The following OSBPL3 variants were observed in gnomAD, a reference collection of about 807,000 sequenced individuals.
The protein encoded by OSBPL3 is oxysterol binding protein like 3, also known as oxysterol-binding protein-related protein 3.
OSBPL3 carries 65 observed loss-of-function variants against 120.1 expected under a neutral mutation model. That is an observed-to-expected ratio of 0.54 (90% confidence interval 0.44 to 0.67). The LOEUF is 0.67. OSBPL3 is among the 30% of genes least tolerant of loss of function. OSBPL3 has a pLI of 0.00. For missense variants in OSBPL3, 1,004 were observed against 1,082.1 expected (o/e 0.93, Z 1.01); for synonymous variants, 416 against 402.6 (o/e 1.03, Z -0.40).
intron 1 of OSBPL3, among the ~76,000 whole-genome samples, chr7:24,950,231 T>A (rs1416957655): frequency 1.3e-5 from 2 of 152,178 alleles, no homozygotes; most frequent in African/African-American, 4.8e-5. Flanking sequence ...CACGTTGACA[T>A]GTGCATACAA....
chr7:24,801,886 G>A (rs892054103), intron 22 of OSBPL3, among the ~76,000 whole-genome samples: 1 of 152,154 alleles, frequency 6.6e-6, no homozygotes, highest in African/African-American at 2.4e-5. Flanking sequence ...TGTATGGATG[G>A]ACCACAATTT....
chr7:24,892,628 A>G lies in OSBPL3; in HGVS notation c.-149-7T>C, dbSNP rs894552311. 2 of 1,352,168 alleles carry G rather than the reference A, an allele frequency of 1.5e-6. No homozygotes were observed. Among genetic ancestry groups the G allele is most frequent in the African/African-American group, 2.9e-5 (2 of 68,824 alleles). 83.8% of individuals were successfully genotyped at this position (1,352,168 alleles called of 1,614,324 possible). ...CCAAAGGAAACCCTAAAACCTAAAA[A>G]AGAGAAATTAGAAAGAAGGTCAGAG... On this transcript the variant is annotated splice_region_variant and splice_polypyrimidine_tract_variant and intron_variant, in intron 1 of 22. Coordinates refer to ENST00000313367, the MANE Select transcript of OSBPL3 (RefSeq NM_015550.4).
chr7:24,828,971 T>C lies in OSBPL3; in HGVS notation c.1884+1797A>G, dbSNP rs544272852. 5.9e-4 allele frequency among the ~76,000 whole-genome samples: 90 copies of C among 152,322 alleles called. 1 individual carries two copies. Among genetic ancestry groups the C allele is most frequent in the African/African-American group, 1.8e-3 (73 of 41,576 alleles). On this transcript the variant is annotated intron_variant, in intron 16 of 22. Transcript: ENST00000313367. ...AGTTATGTAACCCTCTTTCTGTCTTTGTGCACATGTGCCCAGGAGCTCTGA... is the reference window on the plus strand; with the variant it reads ...AGTTATGTAACCCTCTTTCTGTCTTCGTGCACATGTGCCCAGGAGCTCTGA...
rs1432497911 is a variant in OSBPL3 at position 24,872,782 on chromosome 7, G to T, written c.97-713C>A. On this transcript the variant is annotated intron_variant, in intron 2 of 22. Transcript: ENST00000313367. This position sits in a 1 kb window ranked among gnomAD's most constrained non-coding sequence, Gnocchi z 4.1. Reference sequence around the variant, plus strand: ...TAATCTTCCACTATTGGCTATTTAGGTTATTTCAACTAATTGAAAAAGAAT... The same window carrying T: ...TAATCTTCCACTATTGGCTATTTAGTTTATTTCAACTAATTGAAAAAGAAT... 1.3e-5 allele frequency among the ~76,000 whole-genome samples: 2 copies of T among 151,902 alleles called. No homozygotes were observed. The highest frequency in any genetic ancestry group is 1.3e-4 in the Admixed American group (2 of 15,224).
rs747999815 is a variant in OSBPL3, at chr7:24,806,978, T to C, written c.2318-76A>G. On this transcript the variant is annotated intron_variant, in intron 20 of 22. Transcript: ENST00000313367. This position sits in a 1 kb window ranked among gnomAD's most constrained non-coding sequence, Gnocchi z 5.2. The stretch of plus-strand genomic sequence containing the variant: ...CATTTTAATTCCTTCACCTTTTTCG[T>C]CTCAGCCTAGCTACAATTTTTCTCT... 2 of 1,367,328 alleles carry C rather than the reference T, an allele frequency of 1.5e-6. No individual in the cohort carries two copies. Among genetic ancestry groups the C allele is most frequent in the Non-Finnish European group, 2.0e-6 (2 of 1,005,544 alleles). 84.7% of individuals were successfully genotyped at this position (1,367,328 alleles called of 1,614,324 possible).
rs1225049781 is a variant in OSBPL3 at position 24,881,747 on chromosome 7, G to A, written c.97-9678C>T. Among the ~76,000 whole-genome samples the A allele has an allele frequency of 2.0e-5, 3 of 152,154 alleles. No homozygotes were observed. The highest frequency in any genetic ancestry group is 4.8e-5 in the African/African-American group (2 of 41,424). On this transcript the variant is annotated intron_variant, in intron 2 of 22. Coordinates refer to ENST00000313367, the MANE Select transcript of OSBPL3 (RefSeq NM_015550.4). This position sits in a 1 kb window ranked among gnomAD's most constrained non-coding sequence, Gnocchi z 4.3. ...ATAAACAGATATTTATTCTCTAGCC[G>A]TTCTGGAGGCCAGAGGTCCAAAATC...
In OSBPL3 at chr7:24,966,132, A is replaced by G. The variant is rs1172696431; in HGVS notation, c.-150+13754T>C. Among the ~76,000 whole-genome samples, 1 of 152,268 alleles carries G rather than the reference A, an allele frequency of 6.6e-6. No individual in the cohort carries two copies. The highest frequency in any genetic ancestry group is 1.5e-5 in the Non-Finnish European group (1 of 68,054). ...AAACCTCAGCCTGAGTTAACTAGCT[A>G]CAGCAAGACCCACAGATCTCGCTTC... On this transcript the variant is annotated intron_variant, in intron 1 of 22. Transcript: ENST00000313367. The surrounding 1 kb of genome is among the most constrained non-coding windows in gnomAD (Gnocchi z 4.8).
At chr7:24,890,767 G>A (rs909683126) in intron 2 of OSBPL3, among the ~76,000 whole-genome samples, 1 of 152,178 alleles carries the variant, frequency 6.6e-6, no homozygotes, top group East Asian at 1.9e-4. Context: ...TGATGAATGA[G>A]TGACTGATTG....
chr7:24,859,002 T>A (rs1800170678), intron 10 of OSBPL3, among the ~76,000 whole-genome samples: 1 of 152,236 alleles, frequency 6.6e-6, no homozygotes, highest in South Asian at 2.1e-4. Context: ...TTCTTCAAAT[T>A]CTTTGAAGAT....
chr7:24,814,425 G>T (rs1332504275), intron 19 of OSBPL3, among the ~76,000 whole-genome samples: 1 of 151,702 alleles, frequency 6.6e-6, no homozygotes, highest in African/African-American at 2.4e-5. Flanking sequence ...AGCTGTTGGG[G>T]GATTTTGCTC....
chr7:24,870,672 T>G (rs990242016), intron 5 of OSBPL3, 60 bp downstream of exon 5: 6 of 1,041,118 alleles, frequency 5.8e-6, no homozygotes, highest in Non-Finnish European at 7.6e-6. Context: ...ACCAATAGTA[T>G]AATAACTGAT....
At chr7:24,859,840 T>C (rs1010742348) in intron 10 of OSBPL3, among the ~76,000 whole-genome samples, 1 of 152,232 alleles carries the variant, frequency 6.6e-6, no homozygotes, top group African/African-American at 2.4e-5. Context: ...TTATTATTAT[T>C]AGTGAGTATT....
At chr7:24,963,314 T>C (rs1487846888) in intron 1 of OSBPL3, among the ~76,000 whole-genome samples, 1 of 152,204 alleles carries the variant, frequency 6.6e-6, no homozygotes, top group Non-Finnish European at 1.5e-5. Context: ...GCCACTCTTC[T>C]GCCAACTTCC....
Position 24,964,645 on chromosome 7 carries a change from A to G in OSBPL3, c.-150+15241T>C, listed in dbSNP as rs1816173118. Among the ~76,000 whole-genome samples, 1 of 152,238 alleles carries G rather than the reference A, an allele frequency of 6.6e-6. No individual in the cohort carries two copies. Among genetic ancestry groups the G allele is most frequent in the African/African-American group, 2.4e-5 (1 of 41,460 alleles). The stretch of plus-strand genomic sequence containing the variant: ...ACCCCACATGGAGTCCTGGAACGGC[A>G]AAAGGACACTAAGGAAAAGCTAAGG... On this transcript the variant is annotated intron_variant, in intron 1 of 22. Transcript: ENST00000313367. This position sits in a 1 kb window ranked among gnomAD's most constrained non-coding sequence, Gnocchi z 4.2.
chr7:24,893,033 T>C (rs1340353677), intron 1 of OSBPL3, among the ~76,000 whole-genome samples: 1 of 152,238 alleles, frequency 6.6e-6, no homozygotes, highest in Non-Finnish European at 1.5e-5. Context: ...TAAAATGGCA[T>C]AGCCGTGGTG....
chr7:24,975,620 CA>C (rs565976605), intron 1 of OSBPL3, among the ~76,000 whole-genome samples: 89 of 152,248 alleles, frequency 5.8e-4, no homozygotes, highest in South Asian at 1.0e-3. Context: ...ACCCTGCCTT[CA>C]AGGCATTTAA....
At chr7:24,923,616 C>T (rs920353555) in intron 1 of OSBPL3, among the ~76,000 whole-genome samples, 1 of 152,068 alleles carries the variant, frequency 6.6e-6, no homozygotes, top group Non-Finnish European at 1.5e-5. Flanking sequence ...AGACAGGAGT[C>T]CCAGAGAAAT....
intron 1 of OSBPL3, 72 bp downstream of exon 1, chr7:24,979,814 C>T (rs1202846495): frequency 3.0e-6 from 2 of 670,724 alleles, no homozygotes; most frequent in African/African-American, 3.9e-5. Context: ...AAACAGCAGC[C>T]CTTCCGAGCC....
intron 5 of OSBPL3, among the ~76,000 whole-genome samples, chr7:24,869,791 G>A (rs181404372): frequency 2.6e-5 from 4 of 152,276 alleles, no homozygotes; most frequent in East Asian, 1.9e-4. Flanking sequence ...TGGCCCACAC[G>A]GCTCAATCAC....
Sources: allele counts gnomAD v4.1 joint callset (sites outside exome capture counted in the v4.1 genomes callset), GRCh38; gene constraint gnomAD v4.1.1; non-coding constraint Gnocchi (gnomAD v3.1); transcripts MANE v1.5; gene names NCBI Gene and HGNC (gene_info 2026-07-23, HGNC 2026-07-21).